The following OR4K17 variants were observed in gnomAD, a reference collection of about 807,000 sequenced individuals.
OR4K17 encodes the protein olfactory receptor family 4 subfamily K member 17, also known as olfactory receptor 4K17.
For missense variants in OR4K17, 480 were observed against 366.3 expected (o/e 1.31, Z -2.53); for synonymous variants, 157 against 132.8 (o/e 1.18, Z -1.25).
Position 20,121,518 on chromosome 14 carries a change from A to G in OR4K17, c.*3080A>G, listed in dbSNP as rs1878169397. Reference sequence around the variant, plus strand: ...GGTAGAATAAAAGTGTAGACTTTTTAAATGCAATCAAAGTTAGGTATTTAT... The same window carrying G: ...GGTAGAATAAAAGTGTAGACTTTTTGAATGCAATCAAAGTTAGGTATTTAT... On this transcript the variant is annotated 3_prime_UTR_variant, in exon 2 of 2. Transcript: ENST00000641386. 1 of 152,180 alleles carries G rather than the reference A, an allele frequency of 6.6e-6. No individual in the cohort carries two copies. The highest frequency in any genetic ancestry group is 6.5e-5 in the Admixed American group (1 of 15,276). The allele number at this position is 152,180 out of a possible 1,614,324, so 9.4% of individuals were successfully genotyped here. A position where few individuals can be genotyped will look rare whatever the true frequency, so the allele number is the denominator to read the frequency against.
intron 1 of OR4K17, 142 bp downstream of exon 1, chr14:20,111,034 T>C (rs912010045): frequency 6.6e-6 from 1 of 152,030 alleles, no homozygotes; most frequent in African/African-American, 2.4e-5. Flanking sequence ...CTCAAGACAT[T>C]CTGGAAAATG....
rs1255801428 is a variant in OR4K17 at position 20,122,174 on chromosome 14, T to C, written c.*3736T>C. ...GAACAAAAGACACAGAGTGGCTAAA[T>C]GAATAAAAAGATAAAACCCAACTAC... On this transcript the variant is annotated 3_prime_UTR_variant, in exon 2 of 2. Coordinates refer to ENST00000641386, the MANE Select transcript of OR4K17 (RefSeq NM_001004715.5). 1 of 151,936 alleles carries C rather than the reference T, an allele frequency of 6.6e-6. No individual in the cohort carries two copies. Among genetic ancestry groups the C allele is most frequent in the East Asian group, 1.9e-4 (1 of 5,194 alleles). 9.4% of individuals were successfully genotyped at this position (151,936 alleles called of 1,614,324 possible).
chr14:20,119,398 T>C lies in OR4K17; in HGVS notation c.*960T>C, dbSNP rs1438776914. 1 of 152,168 alleles carries C rather than the reference T, an allele frequency of 6.6e-6. No individual in the cohort carries two copies. The highest frequency in any genetic ancestry group is 1.9e-4 in the East Asian group (1 of 5,200). 9.4% of individuals were successfully genotyped at this position (152,168 alleles called of 1,614,324 possible). ...ACAGGCATAGGAAATCACAAGAGTA[T>C]TGATTGGGGAAGTGATAAATGTCCA... On this transcript the variant is annotated 3_prime_UTR_variant, in exon 2 of 2. Coordinates refer to ENST00000641386, the MANE Select transcript of OR4K17 (RefSeq NM_001004715.5).
chr14:20,115,875 T>C (rs1396713091), intron 1 of OR4K17, among the ~76,000 whole-genome samples: 3 of 152,086 alleles, frequency 2.0e-5, no homozygotes, highest in Non-Finnish European at 4.4e-5. Flanking sequence ...TAAAGATATA[T>C]CACAGACAAA....
Position 20,120,075 on chromosome 14 carries a change from A to G in OR4K17, c.*1637A>G, listed in dbSNP as rs1405392560. ...CTCACTTGTCCTTCAGAGGAGCTTG[A>G]TAGATATGTACTTTGTTTAGTTGTT... On this transcript the variant is annotated 3_prime_UTR_variant, in exon 2 of 2. Coordinates refer to ENST00000641386, the MANE Select transcript of OR4K17 (RefSeq NM_001004715.5). The G allele has an allele frequency of 6.6e-6, 1 of 152,172 alleles. No individual in the cohort carries two copies. The highest frequency in any genetic ancestry group is 1.5e-5 in the Non-Finnish European group (1 of 68,022). 9.4% of individuals were successfully genotyped at this position (152,172 alleles called of 1,614,324 possible).
At chr14:20,113,886 T>A (rs2139053504) in intron 1 of OR4K17, among the ~76,000 whole-genome samples, 1 of 152,066 alleles carries the variant, frequency 6.6e-6, no homozygotes, top group East Asian at 1.9e-4. Context: ...AGATAGAGAA[T>A]TTTCTCTATT....
At position 20,118,087 on chromosome 14, in the gene OR4K17, G is replaced by T. The variant is rs775922448; in HGVS notation, c.588G>T (p.Gln196His). ...CCTGTATAGACATATATTTTGTACAGGTAGTCATTGTTGCCAACAGTGGCA... is the reference window on the plus strand; with the variant it reads ...CCTGTATAGACATATATTTTGTACATGTAGTCATTGTTGCCAACAGTGGCA... ...KLACIDIYFV[Q>H]VVIVANSGII... The change falls in exon 2 of 2, where the codon CAG becomes CAT. Residue 196 changes from glutamine (Q) to histidine (H), a missense_variant. By Grantham distance (24) the Gln-to-His change is conservative. Transcript: ENST00000641386. The T allele has an allele frequency of 1.2e-6, 2 of 1,614,032 alleles. No individual in the cohort carries two copies. The highest frequency in any genetic ancestry group is 1.7e-6 in the Non-Finnish European group (2 of 1,179,974).
intron 1 of OR4K17, among the ~76,000 whole-genome samples, chr14:20,116,991 T>A (rs1175294103): frequency 6.6e-6 from 1 of 152,106 alleles, no homozygotes; most frequent in African/African-American, 2.4e-5. Flanking sequence ...TGAGTCAGAG[T>A]CCCTTCAAAA....
In OR4K17 at chr14:20,118,468, T is replaced by A. The variant is rs1251746960; in HGVS notation, c.*30T>A. The stretch of plus-strand genomic sequence containing the variant: ...AAAATATAATGGTAGAGGCCGGGCA[T>A]GGTGGCTGATGCCTGTAATCCCCAC... On this transcript the variant is annotated 3_prime_UTR_variant, in exon 2 of 2. Transcript: ENST00000641386. The A allele has an allele frequency of 1.5e-6, 2 of 1,317,292 alleles. No individual in the cohort carries two copies. The highest frequency in any genetic ancestry group is 1.5e-5 in the African/African-American group (1 of 67,942). The allele number at this position is 1,317,292 out of a possible 1,614,324, so 81.6% of individuals were successfully genotyped here.
intron 1 of OR4K17, among the ~76,000 whole-genome samples, chr14:20,115,181 C>T (rs1464656747): frequency 6.6e-6 from 1 of 152,046 alleles, no homozygotes; most frequent in African/African-American, 2.4e-5. Flanking sequence ...TTACAGACAT[C>T]TTCTGAACAC....
chr14:20,117,369 T>C (rs1463675699), intron 1 of OR4K17, 99 bp from the exon 2 acceptor site: 2 of 1,414,996 alleles, frequency 1.4e-6, no homozygotes, highest in South Asian at 1.4e-5. Context: ...GTCCGTTTAT[T>C]GAAAGATCCA....
At chr14:20,117,387 G>A (rs770911165) in intron 1 of OR4K17, 81 bp from the exon 2 acceptor site, 1 of 1,523,002 alleles carries the variant, frequency 6.6e-7, no homozygotes, top group Non-Finnish European at 8.9e-7. Context: ...CCAAAGGAAT[G>A]CATAAGTTTG....
chr14:20,116,047 G>A (rs1420881269), intron 1 of OR4K17, among the ~76,000 whole-genome samples: 1 of 152,088 alleles, frequency 6.6e-6, no homozygotes, highest in African/African-American at 2.4e-5. Context: ...GGCCTATGAA[G>A]TATTGGGCCT....
Position 20,117,620 on chromosome 14 carries a change from G to C in OR4K17, c.121G>C (p.Gly41Arg). The C allele has an allele frequency of 6.2e-7, 1 of 1,613,656 alleles. No individual in the cohort carries two copies. Among genetic ancestry groups the C allele is most frequent in the Non-Finnish European group, 8.5e-7 (1 of 1,179,828 alleles). The change falls in exon 2 of 2, where the codon GGT becomes CGT. Residue 41 changes from glycine (G) to arginine (R), a missense_variant. Coordinates refer to ENST00000641386, the MANE Select transcript of OR4K17 (RefSeq NM_001004715.5). ...FSVIYVVTVL[G>R]NLLIIVTVFN... ...GGTTATCTATGTGGTCACAGTTTTG[G>C]GTAACCTTCTTATTATAGTCACAGT...
chr14:20,118,677 A>T lies in OR4K17; in HGVS notation c.*239A>T. On this transcript the variant is annotated 3_prime_UTR_variant, in exon 2 of 2. Transcript: ENST00000641386. ...GGTTCCGTGATGCCCCCCAAGCTGCAAAACCAGCAAGTTTTTATTATGGAT... is the reference window on the plus strand; with the variant it reads ...GGTTCCGTGATGCCCCCCAAGCTGCTAAACCAGCAAGTTTTTATTATGGAT... 3.1e-6 allele frequency: 1 copy of T among 324,398 alleles called. No individual in the cohort carries two copies. Among genetic ancestry groups the T allele is most frequent in the Non-Finnish European group, 5.7e-6 (1 of 176,866 alleles). The allele number at this position is 324,398 out of a possible 1,614,324, so 20.1% of individuals were successfully genotyped here.
intron 1 of OR4K17, among the ~76,000 whole-genome samples, chr14:20,115,581 G>A (rs997430229): frequency 5.3e-5 from 8 of 152,012 alleles, no homozygotes; most frequent in African/African-American, 1.9e-4. Context: ...TGTATCTACA[G>A]TACTGTTACC....
chr14:20,115,404 C>T (rs918040212), intron 1 of OR4K17, among the ~76,000 whole-genome samples: 2 of 151,944 alleles, frequency 1.3e-5, no homozygotes, highest in African/African-American at 4.8e-5. Flanking sequence ...AAAATGGGTT[C>T]ATACTGTTTT....
In OR4K17 at chr14:20,121,273, C is replaced by G. The variant is rs1223971279; in HGVS notation, c.*2835C>G. On this transcript the variant is annotated 3_prime_UTR_variant, in exon 2 of 2. Transcript: ENST00000641386. ...CCAAAGAAACAGAGACCTATGAACT[C>G]CCAGACAAAGACTTCACAATAATTG... The G allele has an allele frequency of 2.0e-5, 3 of 152,116 alleles. No individual in the cohort carries two copies. Among genetic ancestry groups the G allele is most frequent in the African/African-American group, 4.8e-5 (2 of 41,422 alleles). 9.4% of individuals were successfully genotyped at this position (152,116 alleles called of 1,614,324 possible).
chr14:20,116,873 A>G (rs913364790), intron 1 of OR4K17, among the ~76,000 whole-genome samples: 2 of 152,162 alleles, frequency 1.3e-5, no homozygotes, highest in South Asian at 4.1e-4. Context: ...TTTCTAAGAG[A>G]GTTACAAGAC....
Sources: allele counts gnomAD v4.1 joint callset (sites outside exome capture counted in the v4.1 genomes callset), GRCh38; gene constraint gnomAD v4.1.1; transcripts MANE v1.5; gene names NCBI Gene and HGNC (gene_info 2026-07-23, HGNC 2026-07-21).